Variants in LMBRD1 observed in about 807,000 individuals in gnomAD.
LMBRD1 encodes lysosomal cobalamin transport escort protein LMBD1.
LMBRD1 carries 64 observed loss-of-function variants against 74.8 expected under a neutral mutation model. The observed-to-expected ratio is 0.86, with a 90% confidence interval of 0.70 to 1.05. LMBRD1 has a LOEUF of 1.05. LMBRD1 is among the 50% of genes least tolerant of loss of function. The pLI is 0.00. For missense variants in LMBRD1, 652 were observed against 645.9 expected (o/e 1.01, Z -0.10); for synonymous variants, 204 against 216.3 (o/e 0.94, Z 0.50).
intron 9 of LMBRD1, among the ~76,000 whole-genome samples, chr6:69,709,573 A>G (rs1295957349): frequency 6.6e-6 from 1 of 152,218 alleles, no homozygotes; most frequent in Non-Finnish European, 1.5e-5. Context: ...TGAAATTAGA[A>G]AAGTAAAAAA....
chr6:69,748,165 A>C (rs1476892827), intron 5 of LMBRD1, among the ~76,000 whole-genome samples: 1 of 152,220 alleles, frequency 6.6e-6, no homozygotes, highest in Non-Finnish European at 1.5e-5. Context: ...GTCTATGATT[A>C]CTTCTGAGCT....
chr6:69,714,369 C>T (rs1766447471), intron 8 of LMBRD1, among the ~76,000 whole-genome samples: 1 of 151,978 alleles, frequency 6.6e-6, no homozygotes. Context: ...CTTTCTTTGG[C>T]CAACCTATCT....
At chr6:69,760,802 T>C (rs1321036126) in intron 3 of LMBRD1, among the ~76,000 whole-genome samples, 1 of 152,190 alleles carries the variant, frequency 6.6e-6, no homozygotes, top group Non-Finnish European at 1.5e-5. Flanking sequence ...ACGCCCTGGC[T>C]GCCATGTTGT....
intron 5 of LMBRD1, among the ~76,000 whole-genome samples, chr6:69,744,038 T>TA (rs1422530193): frequency 6.6e-6 from 1 of 152,130 alleles, no homozygotes; most frequent in Non-Finnish European, 1.5e-5. Flanking sequence ...ATAATATAGA[T>TA]ATATCAGTTC....
intron 1 of LMBRD1, among the ~76,000 whole-genome samples, chr6:69,795,507 T>A (rs1185592057): frequency 1.3e-5 from 2 of 152,250 alleles, no homozygotes; most frequent in East Asian, 3.8e-4. Flanking sequence ...ACCGTAAATG[T>A]TTATTAATTT....
chr6:69,686,063 A>G (rs1016915640), intron 14 of LMBRD1, among the ~76,000 whole-genome samples: 2 of 152,168 alleles, frequency 1.3e-5, no homozygotes, highest in Non-Finnish European at 2.9e-5. Flanking sequence ...AGGTGTGGAG[A>G]AGAAGCGAAT....
intron 3 of LMBRD1, among the ~76,000 whole-genome samples, chr6:69,778,557 CT>C (rs1765754365): frequency 6.6e-6 from 1 of 152,212 alleles, no homozygotes; most frequent in African/African-American, 2.4e-5. Context: ...CAGACCTTGA[CT>C]TCACTAACGT....
chr6:69,713,220 C>G (rs1276364398), intron 9 of LMBRD1, among the ~76,000 whole-genome samples: 1 of 151,932 alleles, frequency 6.6e-6, no homozygotes, highest in Non-Finnish European at 1.5e-5. Context: ...AAAATGAACA[C>G]GCCAACAGAA....
chr6:69,753,181 A>G (rs1428329219), intron 3 of LMBRD1, among the ~76,000 whole-genome samples: 1 of 152,244 alleles, frequency 6.6e-6, no homozygotes, highest in African/African-American at 2.4e-5. Flanking sequence ...ATAGAGCTTA[A>G]GTTAATCCAA....
chr6:69,731,821 T>TAA (rs1766865026), intron 7 of LMBRD1, among the ~76,000 whole-genome samples: 2 of 151,752 alleles, frequency 1.3e-5, no homozygotes, highest in Non-Finnish European at 2.9e-5. Context: ...AAACCATCTG[T>TAA]GTCGTATAGT....
intron 1 of LMBRD1, among the ~76,000 whole-genome samples, chr6:69,794,686 T>C (rs556427310): frequency 6.6e-6 from 1 of 152,354 alleles, no homozygotes; most frequent in African/African-American, 2.4e-5. Context: ...AAGTATGAGC[T>C]TGACAACTCT....
At chr6:69,703,474 A>T (rs925437369) in intron 9 of LMBRD1, among the ~76,000 whole-genome samples, 17 of 150,016 alleles carry the variant, frequency 1.1e-4, no homozygotes, top group East Asian at 3.9e-4. Flanking sequence ...AAAAAAATTT[A>T]AAATTAAAAA....
At chr6:69,720,261 C>T (rs1484704722) in intron 7 of LMBRD1, among the ~76,000 whole-genome samples, 1 of 152,100 alleles carries the variant, frequency 6.6e-6, no homozygotes, top group Admixed American at 6.6e-5. Context: ...ATCAACTCTA[C>T]AGTACGTTGT....
chr6:69,687,346 T>C (rs146188857), intron 14 of LMBRD1, among the ~76,000 whole-genome samples: 1 of 152,178 alleles, frequency 6.6e-6, no homozygotes, highest in African/African-American at 2.4e-5. Flanking sequence ...TTTTTCTCCA[T>C]AATACTTGTC....
intron 8 of LMBRD1, 75 bp downstream of exon 8, chr6:69,718,881 T>C: frequency 6.6e-7 from 1 of 1,509,952 alleles, no homozygotes; most frequent in Non-Finnish European, 9.2e-7. Context: ...GTTGACAATG[T>C]CTAAGTCATA....
At chr6:69,764,538 A>G (rs1455701325) in intron 3 of LMBRD1, among the ~76,000 whole-genome samples, 1 of 152,206 alleles carries the variant, frequency 6.6e-6, no homozygotes, top group Non-Finnish European at 1.5e-5. Context: ...ATGTGCTGGT[A>G]TATCTCATTG....
intron 3 of LMBRD1, among the ~76,000 whole-genome samples, chr6:69,769,267 A>T (rs1765530408): frequency 6.6e-6 from 1 of 152,110 alleles, no homozygotes; most frequent in Non-Finnish European, 1.5e-5. Context: ...TTCTTCTGTC[A>T]TGTCAAACCT....
chr6:69,772,908 C>T (rs1325671327), intron 3 of LMBRD1, among the ~76,000 whole-genome samples: 6 of 152,146 alleles, frequency 3.9e-5, no homozygotes, highest in African/African-American at 1.4e-4. Context: ...GTTCTCTTAT[C>T]TGATTTGAAT....
intron 13 of LMBRD1, 141 bp from the exon 14 acceptor site, chr6:69,697,782 T>C: frequency 1.7e-6 from 1 of 587,150 alleles, no homozygotes. Context: ...TTGTGCAACA[T>C]TGCTCTTAGA....
Sources: allele counts gnomAD v4.1 joint callset (sites outside exome capture counted in the v4.1 genomes callset), GRCh38; gene constraint gnomAD v4.1.1; transcripts MANE v1.5; gene names NCBI Gene and HGNC (gene_info 2026-07-23, HGNC 2026-07-21).